ADORA2B: variants seen among roughly 807,000 people sequenced by gnomAD.
ADORA2B encodes adenosine A2b receptor, also known as adenosine receptor A2b.
In ADORA2B, 18 loss-of-function variants were observed where a neutral mutation model predicts 20.8. The ratio of observed to expected loss-of-function variants is 0.87; its 90% CI spans 0.60 to 1.29. The LOEUF (loss-of-function observed/expected upper bound fraction) is 1.29, where lower values mean the gene tolerates loss of function less well. Among genes scored for constraint, ADORA2B ranks in the 50% most tolerant of loss-of-function variants. The pLI is 0.00. For synonymous variants in ADORA2B, 179 were observed against 178.3 expected (o/e 1.00, Z -0.03); for missense variants, 441 against 422.7 (o/e 1.04, Z -0.38).
chr17:15,878,681 C>A, the ADORA2B span, among the ~76,000 whole-genome samples: 1,626 of 152,200 alleles, frequency 0.011, 37 homozygotes, highest in African/African-American at 0.037. Flanking sequence ...GTTTTATTTT[C>A]CATTAATAGC....
chr17:15,953,668 T>C (rs2151596897), intron 1 of ADORA2B, among the ~76,000 whole-genome samples: 1 of 152,338 alleles, frequency 6.6e-6, no homozygotes, highest in East Asian at 1.9e-4. Context: ...TTGCTGACTG[T>C]CAAGAAAAAC....
In ADORA2B at chr17:15,962,724, G is replaced by A. The variant is rs1257835152; in HGVS notation, c.336-11955G>A. ...GTAGAGACGGGGTTTCACCGTGTTG[G>A]CCAGGCTGGTCTCAAACTCCTGACC... On this transcript the variant is annotated intron_variant, in intron 1 of 1. Transcript: ENST00000304222. Among the ~76,000 whole-genome samples, 5 of 152,152 alleles carry A rather than the reference G, an allele frequency of 3.3e-5. No homozygotes were observed. In the East Asian group the frequency reaches 9.7e-4, roughly 29 times the overall value.
chr17:15,872,967 A>C, the ADORA2B span, among the ~76,000 whole-genome samples: 1,898 of 152,160 alleles, frequency 0.012, 45 homozygotes, highest in African/African-American at 0.043. Flanking sequence ...AGTGGGCATC[A>C]TTGTCTTGTT....
chr17:15,942,170 C>A (rs554676801), upstream of ADORA2B, among the ~76,000 whole-genome samples: 26 of 152,150 alleles, frequency 1.7e-4, no homozygotes, highest in Non-Finnish European at 2.8e-4. Context: ...AAATGTAATC[C>A]CCAGTGTTGG....
chr17:15,909,044 G>A, the ADORA2B span, among the ~76,000 whole-genome samples: 4 of 152,008 alleles, frequency 2.6e-5, no homozygotes, highest in South Asian at 8.3e-4. Flanking sequence ...TTTGCCCTTG[G>A]CTGAGTGTGG....
intron 1 of ADORA2B, among the ~76,000 whole-genome samples, chr17:15,970,221 A>G (rs1970174532): frequency 6.6e-6 from 1 of 152,266 alleles, no homozygotes; most frequent in Admixed American, 6.5e-5. Context: ...GGTACAAATG[A>G]AAAACTCTTC....
the ADORA2B span, among the ~76,000 whole-genome samples, chr17:15,924,967 T>C: frequency 6.6e-6 from 1 of 152,080 alleles, no homozygotes; most frequent in African/African-American, 2.4e-5. Context: ...CTTAACTTCC[T>C]GAGCTCAAGC....
the ADORA2B span, among the ~76,000 whole-genome samples, chr17:15,851,173 G>A: frequency 6.6e-6 from 1 of 150,942 alleles, no homozygotes; most frequent in African/African-American, 2.4e-5. Flanking sequence ...CTGCATAAGG[G>A]TGGATCAAGA....
chr17:15,924,581 C>A, the ADORA2B span, among the ~76,000 whole-genome samples: 2 of 151,496 alleles, frequency 1.3e-5, no homozygotes, highest in Non-Finnish European at 3.0e-5. Flanking sequence ...AATACACACA[C>A]AAAAAAAAAT....
the ADORA2B span, among the ~76,000 whole-genome samples, chr17:15,894,316 G>A: frequency 6.6e-6 from 1 of 152,234 alleles, no homozygotes; most frequent in Non-Finnish European, 1.5e-5. Context: ...GAGAAACTCA[G>A]TGCTGTGAGA....
chr17:15,865,847 T>C, the ADORA2B span, among the ~76,000 whole-genome samples: 8 of 149,742 alleles, frequency 5.3e-5, no homozygotes, highest in African/African-American at 2.0e-4. Context: ...TTTTTTTGGT[T>C]TTAGGGAGCG....
chr17:15,873,709 G>T, the ADORA2B span, among the ~76,000 whole-genome samples: 2 of 152,176 alleles, frequency 1.3e-5, no homozygotes. Flanking sequence ...CGTTACTCCT[G>T]CAAGAATGGC....
chr17:15,865,637 G>A, the ADORA2B span, among the ~76,000 whole-genome samples: 10 of 152,130 alleles, frequency 6.6e-5, no homozygotes, highest in African/African-American at 1.9e-4. Context: ...GAAGAGCATC[G>A]CCAGCTCCCA....
the ADORA2B span, among the ~76,000 whole-genome samples, chr17:15,932,291 G>A: frequency 1.3e-5 from 2 of 151,682 alleles, no homozygotes; most frequent in Non-Finnish European, 2.9e-5. Context: ...TCAGGAGTTC[G>A]AGACCAGCCT....
chr17:15,867,282 C>T, the ADORA2B span, among the ~76,000 whole-genome samples: 2 of 152,006 alleles, frequency 1.3e-5, no homozygotes, highest in Admixed American at 6.5e-5. Context: ...TGCCTGGCTG[C>T]CCAGTCTGGA....
rs190189067 is a variant in ADORA2B at position 15,969,689 on chromosome 17, C to T, written c.336-4990C>T. Among the ~76,000 whole-genome samples the T allele has an allele frequency of 2.6e-5, 4 of 152,336 alleles. No individual in the cohort carries two copies. In the East Asian group the frequency reaches 7.7e-4, roughly 29 times the overall value. ...AGACCTGTTGGTTCTGCCTCCACAG[C>T]GCATATCCACTTCCATCATTTTTGC... On this transcript the variant is annotated intron_variant, in intron 1 of 1. Transcript: ENST00000304222.
the ADORA2B span, among the ~76,000 whole-genome samples, chr17:15,899,692 A>G: frequency 6.6e-6 from 1 of 152,080 alleles, no homozygotes; most frequent in African/African-American, 2.4e-5. Flanking sequence ...GAAAACATGC[A>G]ATATTTGGTT....
chr17:15,938,254 G>A, the ADORA2B span, among the ~76,000 whole-genome samples: 1 of 152,092 alleles, frequency 6.6e-6, no homozygotes, highest in Admixed American at 6.6e-5. Context: ...AAGGAAAAGA[G>A]ATTTATCAAA....
At chr17:15,974,622 G>T in intron 1 of ADORA2B, 57 bp from the exon 2 acceptor site, 1 of 1,478,832 alleles carries the variant, frequency 6.8e-7, no homozygotes, top group Non-Finnish European at 9.2e-7. Context: ...TGGGGTCTTG[G>T]ATTGTGGTTG....
Sources: allele counts gnomAD v4.1 joint callset (sites outside exome capture counted in the v4.1 genomes callset), GRCh38; gene constraint gnomAD v4.1.1; transcripts MANE v1.5; gene names NCBI Gene and HGNC (gene_info 2026-07-23, HGNC 2026-07-21).